The following ABCB1 variants were observed in gnomAD, a reference collection of about 807,000 sequenced individuals.
ABCB1 encodes the protein ATP-dependent translocase ABCB1.
In ABCB1, 69 loss-of-function variants were observed where a neutral mutation model predicts 142.0. The ratio of observed to expected loss-of-function variants is 0.49; its 90% CI spans 0.40 to 0.59. The LOEUF (loss-of-function observed/expected upper bound fraction) is 0.59, where lower values mean the gene tolerates loss of function less well. Among genes scored for constraint, ABCB1 ranks in the 20% least tolerant of loss-of-function variants. The probability of loss-of-function intolerance (pLI) is 0.00; values close to 1 mark genes in which losing one functional copy is unlikely to be tolerated. For missense variants in ABCB1, 1,326 were observed against 1,554.7 expected (o/e 0.85, Z 2.47); for synonymous variants, 532 against 539.2 (o/e 0.99, Z 0.18).
intron 1 of ABCB1, among the ~76,000 whole-genome samples, chr7:87,699,390 A>G (rs2130686511): frequency 6.6e-6 from 1 of 152,258 alleles, no homozygotes; most frequent in South Asian, 2.1e-4. Flanking sequence ...CTGTGAGACT[A>G]ATATTCAGAG....
At chr7:87,626,276 T>TATATGTC (rs1820510213) in intron 1 of ABCB1, among the ~76,000 whole-genome samples, 3 of 66,416 alleles carry the variant, frequency 4.5e-5, no homozygotes, top group Admixed American at 3.7e-4. Flanking sequence ...ATATGTGTCA[T>TATATGTC]ATATATGTGT....
rs769071474 is a variant in ABCB1, at chr7:87,544,814, C to T, written c.2064+9G>A. 36 of 1,613,786 alleles carry T rather than the reference C, an allele frequency of 2.2e-5. No homozygotes were observed. Among genetic ancestry groups the T allele is most frequent in the Non-Finnish European group, 3.0e-5 (35 of 1,179,956 alleles). ...GAGATTAAAACAAACTCCGCATCTC[C>T]CTTCATACCAGAGCCTCTTTGGTAC... On this transcript the variant is annotated intron_variant, in intron 16 of 27. Transcript: ENST00000622132.
Position 87,711,102 on chromosome 7 carries a change from A to G in ABCB1, c.-331+2059T>C, listed in dbSNP as rs534750674. Among the ~76,000 whole-genome samples, 225 of 152,162 alleles carry G rather than the reference A, an allele frequency of 1.5e-3. 1 individual carries two copies. The highest frequency in any genetic ancestry group is 5.3e-3 in the African/African-American group (220 of 41,526). On this transcript the variant is annotated intron_variant, in intron 1 of 28. Transcript: ENST00000265724. ...AGCACTTTGGGAGGCCGAGGCTGGC[A>G]GATCACCTGAGGTCTGGAGTTCAAG... is the stretch of plus-strand genomic sequence containing the variant.
intron 3 of ABCB1, among the ~76,000 whole-genome samples, chr7:87,587,600 A>G (rs140494377): frequency 2.4e-3 from 365 of 152,236 alleles, no homozygotes; most frequent in African/African-American, 7.6e-3. Context: ...AGCTGGGTGC[A>G]GTGGCTCACA....
intron 21 of ABCB1, among the ~76,000 whole-genome samples, chr7:87,523,369 T>A (rs1332059957): frequency 1.3e-5 from 2 of 152,136 alleles, no homozygotes; most frequent in Non-Finnish European, 2.9e-5. Context: ...GGCTCATGCC[T>A]GTAATCCCAG....
At chr7:87,700,471 A>G in intron 1 of ABCB1, 1 of 1,613,594 alleles carries the variant, frequency 6.2e-7, no homozygotes. Context: ...CTGGGACTAT[A>G]TCAGAGTGGC....
intron 1 of ABCB1, among the ~76,000 whole-genome samples, chr7:87,656,150 G>A (rs994753424): frequency 6.6e-6 from 1 of 151,818 alleles, no homozygotes; most frequent in African/African-American, 2.4e-5. Context: ...AGAAAGTGAG[G>A]TAATATGTAT....
At chr7:87,675,650 A>G (rs1296028437) in intron 1 of ABCB1, among the ~76,000 whole-genome samples, 2 of 134,360 alleles carry the variant, frequency 1.5e-5, no homozygotes, top group South Asian at 2.4e-4. Flanking sequence ...GAATATTCAC[A>G]TGCAAAAAAA....
At chr7:87,548,164 GGGAAAGGAAGGGAAGGGAAGGGAAA>G (rs1816879730) in intron 14 of ABCB1, among the ~76,000 whole-genome samples, 1 of 12,820 alleles carries the variant, frequency 7.8e-5, no homozygotes, top group African/African-American at 2.9e-4. Context: ...GGGAAGGGGA[GGGAAAGGAAGGGAAGGGAAGGGAAA>G]GGAAGGGAAG....
intron 1 of ABCB1, among the ~76,000 whole-genome samples, chr7:87,614,838 TG>T (rs1241290970): frequency 6.6e-6 from 1 of 151,948 alleles, no homozygotes; most frequent in Non-Finnish European, 1.5e-5. Context: ...TGTGTGTAGG[TG>T]TTTTTTTTTG....
intron 1 of ABCB1, among the ~76,000 whole-genome samples, chr7:87,651,518 A>G (rs978624995): frequency 6.6e-5 from 10 of 152,268 alleles, no homozygotes; most frequent in African/African-American, 2.2e-4. Context: ...AAATTCAAGA[A>G]GTATTATATA....
Position 87,550,034 on chromosome 7 carries a change from A to G in ABCB1, c.1371T>C (p.Asp457=), listed in dbSNP as rs138211310. The change falls in exon 13 of 28, where the codon GAT becomes GAC. Residue 457 remains aspartate, a synonymous_variant. Coordinates refer to ENST00000622132, the MANE Select transcript of ABCB1 (RefSeq NM_001348946.2). ...TEGMVSVDGQ[D]IRTINVRFLR... ...GAAACCTTACATTTATGGTCCTAAT[A>G]TCCTGTCCATCAACACTGACCTGGA... is the stretch of plus-strand genomic sequence containing the variant. 83 of 1,614,206 alleles carry G rather than the reference A, an allele frequency of 5.1e-5. 1 individual carries two copies. The African/African-American group carries it at 9.9e-4, about 19-fold the overall frequency.
chr7:87,657,749 C>A, intron 1 of ABCB1, among the ~76,000 whole-genome samples: 1 of 152,080 alleles, frequency 6.6e-6, no homozygotes, highest in East Asian at 1.9e-4. Flanking sequence ...GAGGCCACCC[C>A]AAGTACCATG....
intron 25 of ABCB1, among the ~76,000 whole-genome samples, chr7:87,512,548 G>A (rs746206565): frequency 1.4e-4 from 22 of 152,172 alleles, no homozygotes; most frequent in Admixed American, 7.9e-4. Flanking sequence ...TGATGGTCAC[G>A]AGAATTTCCT....
chr7:87,535,211 A>G (rs1816236311), intron 20 of ABCB1, among the ~76,000 whole-genome samples: 1 of 152,062 alleles, frequency 6.6e-6, no homozygotes, highest in Admixed American at 6.6e-5. Flanking sequence ...AAAATTTCAG[A>G]TCATGTCACT....
chr7:87,541,277 T>C (rs1336867720), intron 18 of ABCB1, 80 bp downstream of exon 18: 8 of 984,982 alleles, frequency 8.1e-6, no homozygotes, highest in Non-Finnish European at 1.1e-5. Flanking sequence ...AAAGGCCAAT[T>C]ACACTGATGT....
chr7:87,561,748 T>TGCCAAAGATGA, intron 7 of ABCB1, among the ~76,000 whole-genome samples: 1 of 152,176 alleles, frequency 6.6e-6, no homozygotes, highest in Non-Finnish European at 1.5e-5. Flanking sequence ...CATTTTAGGA[T>TGCCAAAGATGA]GCCAAAGATG....
chr7:87,504,811 A>G (rs900214106), intron 27 of ABCB1, among the ~76,000 whole-genome samples: 2 of 150,794 alleles, frequency 1.3e-5, no homozygotes, highest in African/African-American at 2.5e-5. Context: ...TCTCAAAGAA[A>G]AAAAAAAAAA....
intron 1 of ABCB1, among the ~76,000 whole-genome samples, chr7:87,626,187 G>GTGTCATATGTGTCATATATAT (rs1820478336): frequency 1.7e-5 from 2 of 114,858 alleles, no homozygotes; most frequent in Non-Finnish European, 3.7e-5. Flanking sequence ...TCATATATAT[G>GTGTCATATGTGTCATATATAT]TGTCATATAT....
Sources: allele counts gnomAD v4.1 joint callset (sites outside exome capture counted in the v4.1 genomes callset), GRCh38; gene constraint gnomAD v4.1.1; transcripts MANE v1.5; gene names NCBI Gene and HGNC (gene_info 2026-07-23, HGNC 2026-07-21).